The following ARSB variants were observed in gnomAD, a reference collection of about 807,000 sequenced individuals.
The protein encoded by ARSB is N-acetylgalactosamine-4-sulfatase.
ARSB carries 41 observed loss-of-function variants against 50.9 expected under a neutral mutation model. That is an observed-to-expected ratio of 0.81 (90% CI 0.63 to 1.04). The LOEUF (loss-of-function observed/expected upper bound fraction) is 1.04. Ranked by LOEUF, ARSB falls within the 50% of genes least tolerant of loss-of-function variation. ARSB has a pLI of 0.00. For synonymous variants in ARSB, 269 were observed against 284.8 expected, an observed-to-expected ratio of 0.94 and a Z score of 0.56; for missense variants, 672 against 693.3, an observed-to-expected ratio of 0.97 and a Z score of 0.35.
chr5:78,873,342 T>G (rs1038110287), intron 5 of ARSB, among the ~76,000 whole-genome samples: 1 of 151,420 alleles, frequency 6.6e-6, no homozygotes, highest in African/African-American at 2.4e-5. Flanking sequence ...AGAGAAAGGA[T>G]AATTAATTCA....
chr5:78,877,002 T>C (rs994553375), intron 5 of ARSB, among the ~76,000 whole-genome samples: 6 of 152,146 alleles, frequency 3.9e-5, no homozygotes, highest in African/African-American at 1.2e-4. Context: ...CGACCAACCC[T>C]GGTCGGTGGA....
chr5:78,974,815 A>G (rs1431826373), intron 1 of ARSB, among the ~76,000 whole-genome samples: 1 of 152,160 alleles, frequency 6.6e-6, no homozygotes, highest in East Asian at 1.9e-4. Flanking sequence ...GGATTTGGCT[A>G]GGCTTAGGAA....
At chr5:78,867,355 T>C (rs1395009343) in intron 5 of ARSB, among the ~76,000 whole-genome samples, 1 of 151,842 alleles carries the variant, frequency 6.6e-6, no homozygotes, top group East Asian at 1.9e-4. Context: ...AGGCTCCACC[T>C]CTGGGGGCAG....
intron 6 of ARSB, among the ~76,000 whole-genome samples, chr5:78,804,340 T>C (rs1743492600): frequency 6.6e-6 from 1 of 151,968 alleles, no homozygotes; most frequent in Admixed American, 6.6e-5. Context: ...TGCCACCCCA[T>C]CCGAACCACC....
intron 6 of ARSB, among the ~76,000 whole-genome samples, chr5:78,794,464 G>C (rs1026535538): frequency 1.3e-5 from 2 of 152,150 alleles, no homozygotes; most frequent in African/African-American, 4.8e-5. Flanking sequence ...GTAGAAGCAA[G>C]AGTAAATGTG....
intron 4 of ARSB, among the ~76,000 whole-genome samples, chr5:78,943,859 A>G (rs1189642964): frequency 6.6e-6 from 1 of 152,220 alleles, no homozygotes; most frequent in African/African-American, 2.4e-5. Context: ...CCTGGATAGT[A>G]TCCTGCAGAG....
At chr5:78,815,485 G>A (rs1324372207) in intron 6 of ARSB, 2 of 945,168 alleles carry the variant, frequency 2.1e-6, no homozygotes, top group Non-Finnish European at 2.5e-6. Flanking sequence ...TGGAGGACAG[G>A]CTGTGCCCCT....
At chr5:78,815,709 G>A in intron 6 of ARSB, 1 of 1,066,240 alleles carries the variant, frequency 9.4e-7, no homozygotes, top group Non-Finnish European at 1.1e-6. Flanking sequence ...ATTACTGTAA[G>A]ACAAGTATAA....
chr5:78,897,328 C>T (rs1748610245), intron 4 of ARSB, among the ~76,000 whole-genome samples: 1 of 152,152 alleles, frequency 6.6e-6, no homozygotes, highest in Admixed American at 6.5e-5. Flanking sequence ...ATCAGTAACA[C>T]TCAAGTGAAT....
At chr5:78,790,399 T>C (rs1050914656) in intron 6 of ARSB, among the ~76,000 whole-genome samples, 1 of 152,156 alleles carries the variant, frequency 6.6e-6, no homozygotes, top group African/African-American at 2.4e-5. Flanking sequence ...GTACAGCATA[T>C]AGAAAGTGCG....
intron 1 of ARSB, among the ~76,000 whole-genome samples, chr5:78,979,103 C>G (rs1242157650): frequency 6.6e-6 from 1 of 151,510 alleles, no homozygotes; most frequent in Non-Finnish European, 1.5e-5. Flanking sequence ...TTAATAGTAT[C>G]CAGAATACAT....
chr5:78,985,797 G>C (rs1249803568), upstream of ARSB: 1 of 152,236 alleles, frequency 6.6e-6, no homozygotes, highest in African/African-American at 2.4e-5. Context: ...TGGGAGGACG[G>C]TGAAAAGGCA....
intron 5 of ARSB, among the ~76,000 whole-genome samples, chr5:78,856,609 T>G (rs1156640053): frequency 6.6e-6 from 1 of 152,238 alleles, no homozygotes; most frequent in African/African-American, 2.4e-5. Flanking sequence ...TTGTGATCAC[T>G]TGTGATCTTG....
intron 1 of ARSB, among the ~76,000 whole-genome samples, chr5:78,975,197 C>T (rs970812345): frequency 3.3e-5 from 5 of 152,334 alleles, no homozygotes; most frequent in East Asian, 3.9e-4. Flanking sequence ...GGCCAGCAGG[C>T]GAGGAGCAGG....
intron 4 of ARSB, among the ~76,000 whole-genome samples, chr5:78,929,499 A>T (rs1248787764): frequency 6.6e-6 from 1 of 152,060 alleles, no homozygotes; most frequent in Non-Finnish European, 1.5e-5. Flanking sequence ...GTGCTTTAAG[A>T]GAGGAGACTG....
intron 4 of ARSB, among the ~76,000 whole-genome samples, chr5:78,938,537 T>C (rs180762380): frequency 6.6e-6 from 1 of 152,360 alleles, no homozygotes; most frequent in African/African-American, 2.4e-5. Context: ...TTTCCTTAGC[T>C]TTGTCAGAAA....
At chr5:78,878,746 G>A (rs1461944685) in intron 5 of ARSB, among the ~76,000 whole-genome samples, 1 of 151,930 alleles carries the variant, frequency 6.6e-6, no homozygotes, top group Non-Finnish European at 1.5e-5. Flanking sequence ...GACATACTAA[G>A]TTTTTAAGAT....
At chr5:78,798,007 G>A (rs1743241775) in intron 6 of ARSB, among the ~76,000 whole-genome samples, 1 of 152,160 alleles carries the variant, frequency 6.6e-6, no homozygotes, top group South Asian at 2.1e-4. Flanking sequence ...AATGGTTAAT[G>A]TCAAAGAGAG....
intron 4 of ARSB, among the ~76,000 whole-genome samples, chr5:78,896,966 C>G (rs187587208): frequency 8.1e-4 from 123 of 151,614 alleles, no homozygotes; most frequent in African/African-American, 2.6e-3. Flanking sequence ...CAGGTTCAAC[C>G]CTAAAAGACA....
Sources: allele counts gnomAD v4.1 joint callset (sites outside exome capture counted in the v4.1 genomes callset), GRCh38; gene constraint gnomAD v4.1.1; transcripts MANE v1.5; gene names NCBI Gene and HGNC (gene_info 2026-07-23, HGNC 2026-07-21).